Variants in PEX7 observed in about 807,000 individuals in gnomAD.
PEX7 encodes peroxisomal biogenesis factor 7.
Under a neutral mutation model 47.5 loss-of-function variants are expected in PEX7, and 34 were observed. The observed-to-expected ratio is 0.72, with a 90% CI of 0.54 to 0.95. The LOEUF is 0.95. Among genes scored for constraint, PEX7 ranks in the 40% least tolerant of loss-of-function variants. The pLI, the probability that PEX7 is intolerant of heterozygous loss-of-function variation, is 0.00. For synonymous variants in PEX7, 141 were observed against 148.8 expected, an observed-to-expected ratio of 0.95 and a Z score of 0.38; for missense variants, 394 against 400.3, an observed-to-expected ratio of 0.98 and a Z score of 0.13.
At chr6:136,826,952 T>C (rs1425967034) in intron 3 of PEX7, among the ~76,000 whole-genome samples, 1 of 152,252 alleles carries the variant, frequency 6.6e-6, no homozygotes, top group African/African-American at 2.4e-5. Context: ...ATCTGGTTCA[T>C]GTGTCTAGAT....
chr6:136,837,740 T>C (rs1774417816), intron 3 of PEX7, among the ~76,000 whole-genome samples: 1 of 151,844 alleles, frequency 6.6e-6, no homozygotes, highest in East Asian at 1.9e-4. Context: ...AGGTACAACT[T>C]GAAGGGACTC....
At chr6:136,892,046 A>G (rs1006524662) in intron 8 of PEX7, among the ~76,000 whole-genome samples, 14 of 152,318 alleles carry the variant, frequency 9.2e-5, no homozygotes, top group African/African-American at 2.9e-4. Flanking sequence ...TTATAGAAAG[A>G]GAGTTGAGTG....
At position 136,900,655 on chromosome 6, in the gene PEX7, G is replaced by C. The variant is rs1025072992; in HGVS notation, c.903+2414G>C. ...AGGGACCCCCATTTTATGAGACAGG[G>C]CAGGCAGGAAGACAACCAGCTTGAT... On this transcript the variant is annotated intron_variant, in intron 9 of 9. Coordinates refer to ENST00000318471, the MANE Select transcript of PEX7 (RefSeq NM_000288.4). The surrounding 1 kb of genome is among the most constrained non-coding windows in gnomAD (Gnocchi z 4.2). 1.8e-5 allele frequency: 6 copies of C among 336,470 alleles called. No homozygotes were observed. Among genetic ancestry groups the C allele is most frequent in the Non-Finnish European group, 2.9e-5 (5 of 174,066 alleles). The allele number at this position is 336,470 out of a possible 1,614,324, so 20.8% of individuals were successfully genotyped here.
At chr6:136,888,094 T>G (rs775209212) in intron 8 of PEX7, among the ~76,000 whole-genome samples, 3 of 151,928 alleles carry the variant, frequency 2.0e-5, no homozygotes, top group Non-Finnish European at 4.4e-5. Flanking sequence ...TAAAAAAAGG[T>G]CAGCCAAAGT....
chr6:136,901,676 G>A (rs1465636761), intron 9 of PEX7: 1 of 152,294 alleles, frequency 6.6e-6, no homozygotes, highest in African/African-American at 2.4e-5. Flanking sequence ...CAGATTCAAA[G>A]AGTGGGAAAT....
intron 3 of PEX7, among the ~76,000 whole-genome samples, chr6:136,831,032 T>G (rs1007010531): frequency 2.0e-5 from 3 of 152,208 alleles, no homozygotes; most frequent in African/African-American, 7.2e-5. Context: ...AATCAATTAT[T>G]TACTTTTTGA....
rs191391028 is a variant in PEX7 at position 136,904,373 on chromosome 6, T to C, written c.903+6132T>C. On this transcript the variant is annotated intron_variant, in intron 9 of 9. Transcript: ENST00000318471. Reference sequence around the variant, plus strand: ...TTCCCAGTTCCAGCTCTGTAGGATATCAGTGTGCTCCTTAGATGGATGGTA... The same window carrying C: ...TTCCCAGTTCCAGCTCTGTAGGATACCAGTGTGCTCCTTAGATGGATGGTA... Among the ~76,000 whole-genome samples the C allele has an allele frequency of 2.0e-3, 305 of 152,304 alleles. 4 individuals are homozygous for C. The highest frequency in any genetic ancestry group is 0.017 in the Admixed American group (265 of 15,292).
chr6:136,839,010 T>C (rs1015455338), intron 3 of PEX7, among the ~76,000 whole-genome samples: 1 of 152,062 alleles, frequency 6.6e-6, no homozygotes, highest in Non-Finnish European at 1.5e-5. Context: ...GGTAAAACCC[T>C]GTCTCTACAA....
chr6:136,860,808 A>G (rs1254315690), intron 5 of PEX7, among the ~76,000 whole-genome samples: 1 of 152,224 alleles, frequency 6.6e-6, no homozygotes, highest in Non-Finnish European at 1.5e-5. Context: ...AATTCTCACA[A>G]TGAACACATC....
chr6:136,907,495 TTC>T lies in PEX7; in HGVS notation c.904-5962_904-5961del, dbSNP rs930414985. 1.6e-3 allele frequency among the ~76,000 whole-genome samples: 245 copies of T among 149,474 alleles called. 1 individual carries two copies. The highest frequency in any genetic ancestry group is 6.1e-3 in the African/African-American group (236 of 38,826). On this transcript the variant is annotated intron_variant, in intron 9 of 9. Coordinates refer to ENST00000318471, the MANE Select transcript of PEX7 (RefSeq NM_000288.4). ...TGTAGAGTTAACTGTGATTTTTTTTTTCATTCTGTCTGTATCTTTCTGCCTGT... is the reference window on the plus strand; with the variant it reads ...TGTAGAGTTAACTGTGATTTTTTTTTATTCTGTCTGTATCTTTCTGCCTGT...
chr6:136,847,857 A>G (rs562267709), intron 5 of PEX7, among the ~76,000 whole-genome samples: 1 of 152,298 alleles, frequency 6.6e-6, no homozygotes, highest in African/African-American at 2.4e-5. Context: ...GGAACTTTAA[A>G]ATAGTTTTTT....
At chr6:136,873,839 G>T (rs1775222198) in intron 8 of PEX7, among the ~76,000 whole-genome samples, 1 of 152,010 alleles carries the variant, frequency 6.6e-6, no homozygotes, top group African/African-American at 2.4e-5. Flanking sequence ...TTAGGAATGG[G>T]TCTTAAGTTT....
At chr6:136,873,674 T>A (rs1177341983) in intron 8 of PEX7, among the ~76,000 whole-genome samples, 2 of 152,160 alleles carry the variant, frequency 1.3e-5, no homozygotes, top group African/African-American at 4.8e-5. Flanking sequence ...GCTAAATAGT[T>A]TATAGAGAAT....
Position 136,826,277 on chromosome 6 carries a change from T to C in PEX7, c.189-42T>C, listed in dbSNP as rs373856813. ...TTTTTTTGTTGTGTAGCTGCCTATG[T>C]AAGTGTTGTATTTTTTTGTTGTTTG... On this transcript the variant is annotated intron_variant, in intron 2 of 9. Transcript: ENST00000318471. 1.0e-5 allele frequency: 16 copies of C among 1,606,004 alleles called. No individual in the cohort carries two copies. In the African/African-American group the frequency reaches 2.0e-4, roughly 20 times the overall value.
chr6:136,840,460 G>C (rs1364499196), intron 3 of PEX7, among the ~76,000 whole-genome samples: 1 of 151,722 alleles, frequency 6.6e-6, no homozygotes, highest in African/African-American at 2.4e-5. Flanking sequence ...TGGGTAGTAA[G>C]AATCAGCATG....
At position 136,872,096 on chromosome 6, in the gene PEX7, CAACTT is replaced by C. The variant is rs766035099; in HGVS notation, c.748-99_748-95del. The C allele has an allele frequency of 2.4e-4, 252 of 1,040,110 alleles. 1 individual carries two copies. The highest frequency in any genetic ancestry group is 1.2e-3 in the Middle Eastern group (5 of 4,060). 64.4% of individuals were successfully genotyped at this position (1,040,110 alleles called of 1,614,324 possible). A position where few individuals can be genotyped will look rare whatever the true frequency, so the allele number is the denominator to read the frequency against. On this transcript the variant is annotated intron_variant, in intron 7 of 9. Transcript: ENST00000318471. The stretch of plus-strand genomic sequence containing the variant: ...ATAATTTTAAGTGACAGCTCTGACT[CAACTT>C]AAATTTATTATAATGTTTATGGAAT...
At chr6:136,881,633 GT>G (rs1218127823) in intron 8 of PEX7, among the ~76,000 whole-genome samples, 2 of 152,144 alleles carry the variant, frequency 1.3e-5, no homozygotes, top group Non-Finnish European at 2.9e-5. Flanking sequence ...ACCACTCCCT[GT>G]TTTATGTATT....
chr6:136,889,951 T>C (rs1206345705), intron 8 of PEX7, among the ~76,000 whole-genome samples: 1 of 152,198 alleles, frequency 6.6e-6, no homozygotes, highest in Non-Finnish European at 1.5e-5. Context: ...AACCTGTCTT[T>C]CCCTCTCTCC....
chr6:136,906,363 A>G (rs949241751), intron 9 of PEX7, among the ~76,000 whole-genome samples: 1 of 152,200 alleles, frequency 6.6e-6, no homozygotes, highest in Non-Finnish European at 1.5e-5. Flanking sequence ...AAAAATAATA[A>G]GAGAGTCCAA....
Sources: allele counts gnomAD v4.1 joint callset (sites outside exome capture counted in the v4.1 genomes callset), GRCh38; gene constraint gnomAD v4.1.1; non-coding constraint Gnocchi (gnomAD v3.1); transcripts MANE v1.5; gene names NCBI Gene and HGNC (gene_info 2026-07-23, HGNC 2026-07-21).